The following AKR1E2 variants were observed in gnomAD, a reference collection of about 807,000 sequenced individuals.
The protein encoded by AKR1E2 is aldo-keto reductase family 1 member E2, also known as 1,5-anhydro-D-fructose reductase.
Under a neutral mutation model 41.9 loss-of-function variants are expected in AKR1E2, and 43 were observed. The observed-to-expected ratio is 1.03, with a 90% CI of 0.80 to 1.32. AKR1E2 has a LOEUF of 1.32. AKR1E2 is among the 40% of genes most tolerant of loss of function. The probability of loss-of-function intolerance (pLI) is 0.00; values close to 1 mark genes in which losing one functional copy is unlikely to be tolerated. For synonymous variants in AKR1E2, 121 were observed against 138.9 expected, an observed-to-expected ratio of 0.87 and a Z score of 0.91; for missense variants, 423 against 396.5, an observed-to-expected ratio of 1.07 and a Z score of -0.57.
chr10:4,839,372 T>C (rs1344721765), intron 5 of AKR1E2, among the ~76,000 whole-genome samples: 1 of 152,216 alleles, frequency 6.6e-6, no homozygotes, highest in Non-Finnish European at 1.5e-5. Flanking sequence ...ATGTAAAATC[T>C]ATGAGATGTC....
At position 4,847,527 on chromosome 10, in the gene AKR1E2, C is replaced by G. The variant is rs1246988590; in HGVS notation, c.960C>G (p.Tyr320Ter). 11 of 1,613,360 alleles carry G rather than the reference C, an allele frequency of 6.8e-6. No homozygotes were observed. The South Asian group carries it at 1.2e-4, about 18-fold the overall frequency. ...NHKDYPFHIE[Y>*] ...AAGACTATCCTTTCCACATAGAATA[C>G]TGAGGACGCTTCCCCTTCCTTGTTT... The change falls in exon 10 of 10, where the codon TAC becomes TAG. Residue 320 changes from tyrosine to a stop codon, truncating the protein, a stop_gained. Coordinates refer to ENST00000298375, the MANE Select transcript of AKR1E2 (RefSeq NM_001040177.3). LOFTEE classifies it high-confidence loss of function.
At chr10:4,860,355 T>C in the AKR1E2 span, among the ~76,000 whole-genome samples, 1 of 152,218 alleles carries the variant, frequency 6.6e-6, no homozygotes, top group Non-Finnish European at 1.5e-5. Context: ...AAATAGCCCA[T>C]CCAACTGCTT....
chr10:4,866,821 G>C, the AKR1E2 span, among the ~76,000 whole-genome samples: 1 of 151,978 alleles, frequency 6.6e-6, no homozygotes. Context: ...GGGAGTCAAA[G>C]CTGCCTTCTT....
At chr10:4,837,759 G>A (rs1810697461) in intron 5 of AKR1E2, among the ~76,000 whole-genome samples, 178 bp downstream of exon 5, 1 of 152,246 alleles carries the variant, frequency 6.6e-6, no homozygotes, top group African/African-American at 2.4e-5. Flanking sequence ...TTTCTTGAAG[G>A]TGCATCTGGG....
chr10:4,853,168 G>A, the AKR1E2 span, among the ~76,000 whole-genome samples: 12 of 152,054 alleles, frequency 7.9e-5, no homozygotes, highest in Non-Finnish European at 2.9e-5. Context: ...ATTCCCCAAG[G>A]CAAAAGAAAA....
chr10:4,853,459 C>CT, the AKR1E2 span, among the ~76,000 whole-genome samples: 5,346 of 88,568 alleles, frequency 0.06, 153 homozygotes, highest in East Asian at 0.14. Flanking sequence ...AAAAAAAAAA[C>CT]CAAACTCTGT....
intron 1 of AKR1E2, among the ~76,000 whole-genome samples, chr10:4,829,655 A>G (rs1482133676): frequency 6.6e-6 from 1 of 151,948 alleles, no homozygotes; most frequent in Non-Finnish European, 1.5e-5. Flanking sequence ...TCTTGGGTTA[A>G]ATTTTTCTAG....
At chr10:4,838,360 C>T (rs1833601954) in intron 5 of AKR1E2, among the ~76,000 whole-genome samples, 1 of 152,196 alleles carries the variant, frequency 6.6e-6, no homozygotes, top group South Asian at 2.1e-4. Flanking sequence ...TGTTTCTGTA[C>T]ATGTGATTGT....
chr10:4,827,411 CTG>C (rs1832629333), intron 1 of AKR1E2, among the ~76,000 whole-genome samples: 1 of 141,974 alleles, frequency 7.0e-6, no homozygotes, highest in Non-Finnish European at 1.6e-5. Context: ...GTCTTAAAAG[CTG>C]TGTCTCCTGT....
In AKR1E2 at chr10:4,846,122, CG is replaced by C. The variant is rs146889262; in HGVS notation, c.838-1024del. 2.7e-3 allele frequency: 834 copies of C among 308,732 alleles called. 7 individuals carry two copies. The highest frequency in any genetic ancestry group is 0.017 in the African/African-American group (799 of 45,994). 19.1% of individuals were successfully genotyped at this position (308,732 alleles called of 1,614,324 possible). On this transcript the variant is annotated intron_variant, in intron 8 of 9. Transcript: ENST00000298375. ...CTTAAACCCAAGAATCCGCCTACCC[CG>C]GCCCCAGCACTCCCCACTACCTCCA...
chr10:4,836,461 T>C (rs2131528733), intron 4 of AKR1E2, among the ~76,000 whole-genome samples: 1 of 152,276 alleles, frequency 6.6e-6, no homozygotes, highest in South Asian at 2.1e-4. Flanking sequence ...ACCGAGCACG[T>C]GTGGTCTTAC....
Position 4,833,494 on chromosome 10 carries a change from C to T in AKR1E2, c.324+28C>T, listed in dbSNP as rs577684436. 6.5e-5 allele frequency: 103 copies of T among 1,582,188 alleles called. 1 individual carries two copies. The South Asian group carries it at 1.1e-3, about 17-fold the overall frequency. On this transcript the variant is annotated intron_variant, in intron 3 of 9. Coordinates refer to ENST00000298375, the MANE Select transcript of AKR1E2 (RefSeq NM_001040177.3). ...ACCGTTCAGTAGGTAGTTCGTTCTG[C>T]AGTTTGCAGGACCTTCCTCCCCGTG...
At chr10:4,827,573 A>G (rs1054713358) in intron 1 of AKR1E2, among the ~76,000 whole-genome samples, 1 of 152,052 alleles carries the variant, frequency 6.6e-6, no homozygotes, top group African/African-American at 2.4e-5. Context: ...TTGAGACAGC[A>G]CTGACTAAAA....
intron 4 of AKR1E2, 44 bp downstream of exon 4, chr10:4,835,853 C>G (rs1253594806): frequency 1.1e-5 from 18 of 1,607,410 alleles, no homozygotes; most frequent in Non-Finnish European, 1.5e-5. Context: ...CTGTGTGGGT[C>G]TCCACCCAGG....
intron 3 of AKR1E2, among the ~76,000 whole-genome samples, chr10:4,835,183 T>C (rs1046947178): frequency 6.6e-6 from 1 of 152,232 alleles, no homozygotes; most frequent in African/African-American, 2.4e-5. Flanking sequence ...CTTTAGGTTC[T>C]TGCCCTTTCA....
intron 7 of AKR1E2, 29 bp from the exon 8 acceptor site, chr10:4,842,392 G>T (rs1299817299): frequency 6.2e-7 from 1 of 1,600,978 alleles, no homozygotes; most frequent in Admixed American, 1.7e-5. Context: ...TTCCCTTTGT[G>T]TGATAGTAGA....
the AKR1E2 span, among the ~76,000 whole-genome samples, chr10:4,872,505 A>G: frequency 2.0e-5 from 3 of 152,204 alleles, no homozygotes; most frequent in African/African-American, 7.2e-5. Context: ...CTTTCTGTAT[A>G]TGAAGTAATA....
At chr10:4,866,845 T>A in the AKR1E2 span, among the ~76,000 whole-genome samples, 1 of 151,974 alleles carries the variant, frequency 6.6e-6, no homozygotes, top group African/African-American at 2.4e-5. Flanking sequence ...CTCGGTCATT[T>A]CCTGGGTGGG....
At chr10:4,868,642 T>G in the AKR1E2 span, among the ~76,000 whole-genome samples, 1 of 152,224 alleles carries the variant, frequency 6.6e-6, no homozygotes, top group Non-Finnish European at 1.5e-5. Context: ...TTTCCCAGTC[T>G]TAGGGACAAA....
Sources: allele counts gnomAD v4.1 joint callset (sites outside exome capture counted in the v4.1 genomes callset), GRCh38; gene constraint gnomAD v4.1.1; transcripts MANE v1.5; gene names NCBI Gene and HGNC (gene_info 2026-07-23, HGNC 2026-07-21).